The following KCNT2 variants were observed in gnomAD, a reference collection of about 807,000 sequenced individuals.
KCNT2 encodes the protein potassium channel subfamily T member 2.
Under a neutral mutation model 153.8 loss-of-function variants are expected in KCNT2, and 67 were observed. The ratio of observed to expected loss-of-function variants is 0.44; its 90% CI spans 0.36 to 0.53. The LOEUF (loss-of-function observed/expected upper bound fraction) is 0.53, where lower values mean the gene tolerates loss of function less well. Ranked by LOEUF, KCNT2 falls within the 20% of genes least tolerant of loss-of-function variation. The pLI is 0.00. For missense variants in KCNT2, 975 were observed against 1,354.8 expected, an observed-to-expected ratio of 0.72 and a Z score of 4.40; for synonymous variants, 500 against 458.8, an observed-to-expected ratio of 1.09 and a Z score of -1.15.
At chr1:196,607,742 C>G (rs1665478795) in intron 1 of KCNT2, among the ~76,000 whole-genome samples, 2 of 152,162 alleles carry the variant, frequency 1.3e-5, no homozygotes, top group Non-Finnish European at 2.9e-5. Flanking sequence ...GATACCTACT[C>G]AAGACAACAC....
In KCNT2 at chr1:196,305,217, A is replaced by G. The variant is rs777225573; in HGVS notation, c.2595+17T>C. 1.5e-6 allele frequency: 2 copies of G among 1,345,492 alleles called. No homozygotes were observed. Among genetic ancestry groups the G allele is most frequent in the Non-Finnish European group, 1.1e-6 (1 of 935,824 alleles). The allele number at this position is 1,345,492 out of a possible 1,614,324, so 83.3% of individuals were successfully genotyped here. The stretch of plus-strand genomic sequence containing the variant: ...AAGATGGTTAAATCTAATTTACTTG[A>G]TAATGTGGGGTCTTACCTTTTCCAG... On this transcript the variant is annotated intron_variant, in intron 22 of 27. Transcript: ENST00000294725.
At chr1:196,256,709 A>AATATATAT (rs144323772) in intron 26 of KCNT2, among the ~76,000 whole-genome samples, 112 of 144,178 alleles carry the variant, frequency 7.8e-4, no homozygotes, top group South Asian at 3.5e-3. Context: ...TTATCATGGA[A>AATATATAT]ATATATATAT....
At chr1:196,262,192 C>T (rs1657090311) in intron 25 of KCNT2, among the ~76,000 whole-genome samples, 1 of 151,922 alleles carries the variant, frequency 6.6e-6, no homozygotes, top group Non-Finnish European at 1.5e-5. Flanking sequence ...CTTTTCCCTA[C>T]TCTTCACACA....
intron 1 of KCNT2, among the ~76,000 whole-genome samples, chr1:196,555,513 T>C (rs1658522249): frequency 6.6e-6 from 1 of 150,642 alleles, no homozygotes; most frequent in Non-Finnish European, 1.5e-5. Context: ...GACACGAAAA[T>C]AATGAAAAAA....
chr1:196,502,582 C>G (rs1317536857), intron 1 of KCNT2, among the ~76,000 whole-genome samples: 2 of 152,054 alleles, frequency 1.3e-5, no homozygotes, highest in Non-Finnish European at 2.9e-5. Context: ...TTATGAATAG[C>G]CCCTCAATAA....
intron 12 of KCNT2, among the ~76,000 whole-genome samples, chr1:196,419,235 T>C (rs1672995238): frequency 6.6e-6 from 1 of 150,948 alleles, no homozygotes; most frequent in Non-Finnish European, 1.5e-5. Context: ...TGCAGGTTAG[T>C]TACATATGTA....
chr1:196,278,646 T>A (rs527436328), intron 25 of KCNT2, among the ~76,000 whole-genome samples: 2 of 152,258 alleles, frequency 1.3e-5, no homozygotes, highest in Non-Finnish European at 2.9e-5. Flanking sequence ...TAATAATATA[T>A]GAACATTATT....
chr1:196,311,336 G>A (rs968723132), intron 21 of KCNT2, among the ~76,000 whole-genome samples: 3 of 151,628 alleles, frequency 2.0e-5, no homozygotes, highest in Non-Finnish European at 2.9e-5. Context: ...AAACCTAGGG[G>A]CCAAGCATGA....
chr1:196,587,674 A>G (rs1662851907), intron 1 of KCNT2, among the ~76,000 whole-genome samples: 1 of 152,108 alleles, frequency 6.6e-6, no homozygotes, highest in South Asian at 2.1e-4. Flanking sequence ...CTCAATAGAA[A>G]AAAAATTACT....
intron 18 of KCNT2, among the ~76,000 whole-genome samples, chr1:196,329,879 A>ATG (rs57881763): frequency 0.2 from 24,623 of 124,286 alleles, 3,295 homozygotes; most frequent in African/African-American, 0.39. Flanking sequence ...ATACACTTAT[A>ATG]TGTGTGTGTG....
intron 22 of KCNT2, among the ~76,000 whole-genome samples, chr1:196,293,192 C>G (rs375784026): frequency 2.0e-5 from 3 of 152,122 alleles, no homozygotes; most frequent in East Asian, 3.9e-4. Flanking sequence ...AATATCCATA[C>G]TATTCAAAGT....
chr1:196,329,109 A>C (rs1433234127), intron 18 of KCNT2, among the ~76,000 whole-genome samples: 2 of 152,156 alleles, frequency 1.3e-5, no homozygotes, highest in Admixed American at 6.6e-5. Flanking sequence ...CAGAGAATTT[A>C]GTGTTCATGA....
chr1:196,229,192 A>G (rs921793968), intron 27 of KCNT2, among the ~76,000 whole-genome samples: 11 of 152,012 alleles, frequency 7.2e-5, no homozygotes, highest in Non-Finnish European at 1.5e-5. Context: ...GCAACCCTGA[A>G]TCAAGCAAGT....
intron 25 of KCNT2, among the ~76,000 whole-genome samples, chr1:196,265,341 T>A (rs1657440573): frequency 6.6e-6 from 1 of 152,188 alleles, no homozygotes; most frequent in Middle Eastern, 3.2e-3. Flanking sequence ...ATTTGCTGAG[T>A]CTTTCCAAGT....
chr1:196,390,384 G>T (rs1670369002), intron 13 of KCNT2, among the ~76,000 whole-genome samples: 1 of 151,500 alleles, frequency 6.6e-6, no homozygotes, highest in Non-Finnish European at 1.5e-5. Context: ...GAAGATATAT[G>T]AAAAAGTGAG....
At chr1:196,288,046 T>C (rs1329854399) in intron 22 of KCNT2, among the ~76,000 whole-genome samples, 1 of 151,824 alleles carries the variant, frequency 6.6e-6, no homozygotes, top group Non-Finnish European at 1.5e-5. Context: ...AGACCTAAAA[T>C]TGAGTAGAAA....
intron 22 of KCNT2, among the ~76,000 whole-genome samples, chr1:196,299,502 T>C (rs1660983428): frequency 6.6e-6 from 1 of 152,118 alleles, no homozygotes; most frequent in South Asian, 2.1e-4. Flanking sequence ...TGCTCAACAT[T>C]ACTAATCATA....
intron 13 of KCNT2, among the ~76,000 whole-genome samples, chr1:196,395,391 T>C (rs1316980023): frequency 6.6e-6 from 1 of 151,626 alleles, no homozygotes; most frequent in African/African-American, 2.4e-5. Flanking sequence ...GAGAGCCCAG[T>C]TAGTTTTCCT....
chr1:196,326,674 TA>T, intron 19 of KCNT2, 42 bp downstream of exon 19: 1 of 1,207,604 alleles, frequency 8.3e-7, no homozygotes. Context: ...AACATACTAT[TA>T]AAAACAGTTT....
Sources: allele counts gnomAD v4.1 joint callset (sites outside exome capture counted in the v4.1 genomes callset), GRCh38; gene constraint gnomAD v4.1.1; transcripts MANE v1.5; gene names NCBI Gene and HGNC (gene_info 2026-07-23, HGNC 2026-07-21).